Variants in AP3B1 observed in about 807,000 individuals in gnomAD.
The protein encoded by AP3B1 is adaptor related protein complex 3 subunit beta 1, also known as AP-3 complex subunit beta-1.
AP3B1 carries 61 observed loss-of-function variants against 132.5 expected under a neutral mutation model. The ratio of observed to expected loss-of-function variants is 0.46; its 90% CI spans 0.37 to 0.57. The LOEUF (loss-of-function observed/expected upper bound fraction) is 0.57, where lower values mean the gene tolerates loss of function less well. Ranked by LOEUF, AP3B1 falls within the 20% of genes least tolerant of loss-of-function variation. The pLI is 0.00. For missense variants in AP3B1, 1,120 were observed against 1,289.4 expected (o/e 0.87, Z 2.01); for synonymous variants, 388 against 438.3 (o/e 0.89, Z 1.43).
chr5:78,264,774 T>A lies in AP3B1; in HGVS notation c.204+2746A>T, dbSNP rs143229683. ...TATACAAAACTATTTATTACAGTCA[T>A]TAACTCAAAACAGTATACCACCTGA... On this transcript the variant is annotated intron_variant, in intron 2 of 26. Coordinates refer to ENST00000255194, the MANE Select transcript of AP3B1 (RefSeq NM_003664.5). Among the ~76,000 whole-genome samples the A allele has an allele frequency of 9.4e-4, 143 of 152,378 alleles. 1 individual carries two copies. In the East Asian group the frequency reaches 0.025, roughly 26 times the overall value.
At chr5:78,239,446 G>A (rs918223605) in intron 3 of AP3B1, among the ~76,000 whole-genome samples, 1 of 148,338 alleles carries the variant, frequency 6.7e-6, no homozygotes, top group Non-Finnish European at 1.5e-5. Flanking sequence ...ACTCCAGCCT[G>A]GGAGATAGAG....
chr5:78,050,440 G>C (rs1227261213), intron 22 of AP3B1, among the ~76,000 whole-genome samples: 1 of 151,882 alleles, frequency 6.6e-6, no homozygotes, highest in Non-Finnish European at 1.5e-5. Context: ...CTCTAGTGTT[G>C]GTCATAACTA....
At chr5:78,022,922 C>T (rs1169566966) in intron 24 of AP3B1, among the ~76,000 whole-genome samples, 2 of 152,120 alleles carry the variant, frequency 1.3e-5, no homozygotes, top group Non-Finnish European at 2.9e-5. Flanking sequence ...AGAAGTTGAA[C>T]AATATGCCCA....
At position 78,128,024 on chromosome 5, in the gene AP3B1, A is replaced by G; in HGVS notation, c.1968+6T>C. ...GGCAAAATTAATTTCAGAAAGGTCA[A>G]CTTACCAACTCTATTACTTCTACAT... On this transcript the variant is annotated splice_donor_region_variant and intron_variant, in intron 17 of 26. Coordinates refer to ENST00000255194, the MANE Select transcript of AP3B1 (RefSeq NM_003664.5). 6.2e-7 allele frequency: 1 copy of G among 1,612,404 alleles called. No homozygotes were observed. The highest frequency in any genetic ancestry group is 8.5e-7 in the Non-Finnish European group (1 of 1,178,648).
intron 26 of AP3B1, among the ~76,000 whole-genome samples, chr5:78,013,015 T>G (rs1481843042): frequency 2.6e-4 from 39 of 152,162 alleles, no homozygotes. Flanking sequence ...GCTTTCATTT[T>G]ATGTGGCTTT....
chr5:78,222,212 T>C (rs996102426), intron 6 of AP3B1: 2 of 152,350 alleles, frequency 1.3e-5, no homozygotes, highest in Non-Finnish European at 2.9e-5. Flanking sequence ...GGGGATCCAG[T>C]AGCTGCTGCA....
intron 8 of AP3B1, among the ~76,000 whole-genome samples, chr5:78,179,872 C>T (rs1397050403): frequency 6.6e-6 from 1 of 152,102 alleles, no homozygotes; most frequent in African/African-American, 2.4e-5. Context: ...TACACTGACA[C>T]AAAAAGTAAA....
chr5:78,253,080 C>G (rs533717153), intron 2 of AP3B1, among the ~76,000 whole-genome samples: 1 of 152,186 alleles, frequency 6.6e-6, no homozygotes, highest in South Asian at 2.1e-4. Context: ...ACAAGAGTCT[C>G]TGCCCGGTAA....
chr5:78,155,500 T>C (rs560934189), intron 14 of AP3B1, among the ~76,000 whole-genome samples: 99 of 152,328 alleles, frequency 6.5e-4, no homozygotes, highest in Non-Finnish European at 1.2e-3. Flanking sequence ...ATTGCAGCCC[T>C]CTATTTGGCC....
intron 6 of AP3B1, among the ~76,000 whole-genome samples, chr5:78,219,482 A>T (rs951786411): frequency 6.6e-6 from 1 of 152,044 alleles, no homozygotes; most frequent in Non-Finnish European, 1.5e-5. Flanking sequence ...AAATTTAAGA[A>T]TAAACAATAA....
intron 2 of AP3B1, among the ~76,000 whole-genome samples, chr5:78,252,952 G>T (rs537865964): frequency 6.6e-6 from 1 of 152,300 alleles, no homozygotes; most frequent in South Asian, 2.1e-4. Flanking sequence ...CTTCAGGTCT[G>T]ACCCAGCACA....
intron 11 of AP3B1, among the ~76,000 whole-genome samples, chr5:78,172,750 C>T (rs1446221175): frequency 6.6e-6 from 1 of 151,984 alleles, no homozygotes; most frequent in Non-Finnish European, 1.5e-5. Flanking sequence ...AAGGGTATTT[C>T]GTTATTATTG....
intron 21 of AP3B1, among the ~76,000 whole-genome samples, chr5:78,097,708 C>T (rs984340779): frequency 2.0e-5 from 3 of 151,952 alleles, no homozygotes; most frequent in Admixed American, 6.5e-5. Flanking sequence ...GTGAGGGGCG[C>T]CTCTGCCAGG....
intron 2 of AP3B1, among the ~76,000 whole-genome samples, chr5:78,263,892 G>GTA (rs1488218447): frequency 6.6e-5 from 10 of 152,196 alleles, no homozygotes; most frequent in African/African-American, 2.4e-4. Context: ...TTATAATACT[G>GTA]TATCTTTACT....
intron 21 of AP3B1, among the ~76,000 whole-genome samples, chr5:78,094,033 T>C (rs573185482): frequency 9.9e-5 from 15 of 152,236 alleles, no homozygotes; most frequent in Non-Finnish European, 2.1e-4. Context: ...ATTTGAAGTA[T>C]GATTATTGTT....
chr5:78,268,243 C>G (rs1195816136), intron 1 of AP3B1, among the ~76,000 whole-genome samples: 1 of 152,040 alleles, frequency 6.6e-6, no homozygotes, highest in East Asian at 1.9e-4. Context: ...TCACAGGTAA[C>G]AGAAAAGGGA....
chr5:78,249,805 G>A (rs558122724), intron 2 of AP3B1, among the ~76,000 whole-genome samples: 54 of 151,896 alleles, frequency 3.6e-4, no homozygotes, highest in Non-Finnish European at 5.4e-4. Context: ...GGCTGGTCTC[G>A]GAACTCCTTG....
At chr5:78,285,167 T>G (rs998530861) in intron 1 of AP3B1, among the ~76,000 whole-genome samples, 4 of 150,996 alleles carry the variant, frequency 2.6e-5, no homozygotes, top group African/African-American at 9.8e-5. Flanking sequence ...GAGAATGGCG[T>G]GAACCCGGGA....
At chr5:78,114,668 G>A (rs1257762723) in intron 18 of AP3B1, among the ~76,000 whole-genome samples, 1 of 152,136 alleles carries the variant, frequency 6.6e-6, no homozygotes, top group Non-Finnish European at 1.5e-5. Flanking sequence ...CAGACAAAAG[G>A]ACAAACTGTT....
Sources: allele counts gnomAD v4.1 joint callset (sites outside exome capture counted in the v4.1 genomes callset), GRCh38; gene constraint gnomAD v4.1.1; transcripts MANE v1.5; gene names NCBI Gene and HGNC (gene_info 2026-07-23, HGNC 2026-07-21).